Variants in PALLD observed in about 807,000 individuals in gnomAD.
The protein encoded by PALLD is palladin.
In PALLD, 61 loss-of-function variants were observed where a neutral mutation model predicts 123.5. The observed-to-expected ratio is 0.49, with a 90% CI of 0.40 to 0.61. PALLD has a LOEUF of 0.61. PALLD is among the 20% of genes least tolerant of loss of function. PALLD has a pLI of 0.00. For missense variants in PALLD, 1,273 were observed against 1,377.0 expected (o/e 0.92, Z 1.20); for synonymous variants, 465 against 496.4 (o/e 0.94, Z 0.84).
At position 168,924,295 on chromosome 4, in the gene PALLD, C is replaced by A. The variant is rs752407562; in HGVS notation, c.3099C>A (p.Leu1033=). ...AHKPPVFIEK[L]QNTGVADGYP... ...AACCCCCTGTGTTTATTGAGAAGCT[C>A]CAAAACACAGGAGTTGCTGATGGGT... Residue 1033 remains leucine, a synonymous_variant, in exon 19 of 22, where the codon CTC becomes CTA. Coordinates refer to ENST00000505667, the MANE Select transcript of PALLD (RefSeq NM_001166108.2). 1.2e-6 allele frequency: 2 copies of A among 1,613,756 alleles called. No homozygotes were observed. The highest frequency in any genetic ancestry group is 2.7e-5 in the African/African-American group (2 of 74,868).
chr4:168,899,789 C>T (rs971813292), intron 14 of PALLD, among the ~76,000 whole-genome samples: 11 of 151,666 alleles, frequency 7.3e-5, no homozygotes, highest in African/African-American at 1.9e-4. Flanking sequence ...TGGTGGTGGG[C>T]GCCTGTAATC....
At chr4:168,905,790 C>CTTTTT (rs59427697) in intron 15 of PALLD, among the ~76,000 whole-genome samples, 4,493 of 113,044 alleles carry the variant, frequency 0.04, 130 homozygotes, top group Middle Eastern at 0.05. Context: ...GCTTTTTTTT[C>CTTTTT]TTTTTTTTTT....
chr4:168,830,418 TACTC>T (rs1686537365), intron 10 of PALLD, among the ~76,000 whole-genome samples: 1 of 151,718 alleles, frequency 6.6e-6, no homozygotes, highest in African/African-American at 2.4e-5. Flanking sequence ...TAGCCCTAGT[TACTC>T]AGGAGGCTGA....
At position 168,568,545 on chromosome 4, in the gene PALLD, C is replaced by T. The variant is rs1044008479; in HGVS notation, c.908+56133C>T. On this transcript the variant is annotated intron_variant, in intron 2 of 21. Coordinates refer to ENST00000505667, the MANE Select transcript of PALLD (RefSeq NM_001166108.2). ...CATCTGTCTTTAAATTTTTTTAAAC[C>T]CTGCCTAAATTGACATGTGCTTTAC... Among the ~76,000 whole-genome samples the T allele has an allele frequency of 2.2e-4, 34 of 151,764 alleles. No homozygotes were observed. In the East Asian group the frequency reaches 5.0e-3, roughly 22 times the overall value.
chr4:168,836,895 T>C (rs950923212), intron 10 of PALLD, among the ~76,000 whole-genome samples: 3 of 152,230 alleles, frequency 2.0e-5, no homozygotes, highest in Non-Finnish European at 4.4e-5. Flanking sequence ...GTCTTATTAA[T>C]AGTACCATAG....
At chr4:168,685,037 T>C (rs1781896755) in intron 5 of PALLD, among the ~76,000 whole-genome samples, 1 of 152,186 alleles carries the variant, frequency 6.6e-6, no homozygotes, top group African/African-American at 2.4e-5. Flanking sequence ...ATAATCCCTA[T>C]ATCAAAAAAG....
chr4:168,688,008 A>G (rs1301640045), intron 6 of PALLD, among the ~76,000 whole-genome samples: 3 of 152,160 alleles, frequency 2.0e-5, no homozygotes, highest in African/African-American at 7.2e-5. Flanking sequence ...GGACCATGGA[A>G]CATCTCTCTT....
At chr4:168,511,039 G>A (rs1178532588) in intron 1 of PALLD, among the ~76,000 whole-genome samples, 1 of 152,192 alleles carries the variant, frequency 6.6e-6, no homozygotes, top group Non-Finnish European at 1.5e-5. Context: ...AATGCATTTT[G>A]TGGTTTAGGG....
chr4:168,905,886 AC>A (rs1225642823), intron 15 of PALLD, among the ~76,000 whole-genome samples: 1 of 139,312 alleles, frequency 7.2e-6, no homozygotes, highest in Non-Finnish European at 1.5e-5. Context: ...TGCAGTCTCC[AC>A]CTCCTGGGTT....
chr4:168,763,022 T>C (rs1288470283), intron 10 of PALLD, among the ~76,000 whole-genome samples: 1 of 151,858 alleles, frequency 6.6e-6, no homozygotes, highest in African/African-American at 2.4e-5. Flanking sequence ...CTGGGGCCTG[T>C]TGGGGTAGGG....
chr4:168,741,950 C>A (rs1788390149), intron 10 of PALLD, among the ~76,000 whole-genome samples: 1 of 152,142 alleles, frequency 6.6e-6, no homozygotes, highest in African/African-American at 2.4e-5. Context: ...TGCCCTGTGA[C>A]CAGGACAAAA....
intron 8 of PALLD, among the ~76,000 whole-genome samples, chr4:168,694,222 T>C (rs1782922310): frequency 6.6e-6 from 1 of 152,182 alleles, no homozygotes. Flanking sequence ...TTCTTAGCCA[T>C]TGTTAAGTGG....
chr4:168,505,519 C>T (rs1190607781), intron 1 of PALLD, among the ~76,000 whole-genome samples: 1 of 152,236 alleles, frequency 6.6e-6, no homozygotes, highest in East Asian at 1.9e-4. Flanking sequence ...GATTTCTGAT[C>T]CACAGTTTTG....
At chr4:168,879,739 C>T (rs777552758) in intron 10 of PALLD, among the ~76,000 whole-genome samples, 1 of 152,122 alleles carries the variant, frequency 6.6e-6, no homozygotes, top group Non-Finnish European at 1.5e-5. Flanking sequence ...GAAACACAGT[C>T]CAATGAATAT....
Position 168,668,213 on chromosome 4 carries a change from T to A in PALLD, c.932T>A (p.Leu311Gln). 1 of 1,614,178 alleles carries A rather than the reference T, an allele frequency of 6.2e-7. No homozygotes were observed. The highest frequency in any genetic ancestry group is 1.1e-5 in the South Asian group (1 of 91,090). ...AGATGGTTCTGTGAAGGGAAAGAAC[T>A]GCACAACACTCCTGATATTCAAATC... ...RVRWFCEGKE[L>Q]HNTPDIQIHC... Residue 311 changes from leucine to glutamine, a missense_variant, in exon 3 of 22, where the codon CTG (leucine) becomes CAG (glutamine). By Grantham distance (113) the Leu-to-Gln change is moderately radical. Coordinates refer to ENST00000505667, the MANE Select transcript of PALLD (RefSeq NM_001166108.2).
intron 2 of PALLD, among the ~76,000 whole-genome samples, chr4:168,549,329 C>CAGAT (rs1477566416): frequency 2.0e-5 from 3 of 151,598 alleles, no homozygotes; most frequent in Non-Finnish European, 2.9e-5. Context: ...GAATGCAAAA[C>CAGAT]AGATGTTCAT....
intron 2 of PALLD, among the ~76,000 whole-genome samples, chr4:168,532,894 A>G (rs968955260): frequency 6.6e-6 from 1 of 152,188 alleles, no homozygotes; most frequent in African/African-American, 2.4e-5. Flanking sequence ...ATTGAAAGAC[A>G]CATCAATCAA....
chr4:168,623,467 A>G (rs1170860115), intron 2 of PALLD, among the ~76,000 whole-genome samples: 1 of 152,234 alleles, frequency 6.6e-6, no homozygotes, highest in African/African-American at 2.4e-5. Flanking sequence ...CCAGGGAAAA[A>G]TTATTCCCCT....
intron 10 of PALLD, among the ~76,000 whole-genome samples, chr4:168,808,307 T>C (rs775944295): frequency 5.3e-5 from 8 of 151,598 alleles, no homozygotes; most frequent in Non-Finnish European, 7.4e-5. Flanking sequence ...GGTGAAACCC[T>C]GTCTCTACTA....
Sources: allele counts gnomAD v4.1 joint callset (sites outside exome capture counted in the v4.1 genomes callset), GRCh38; gene constraint gnomAD v4.1.1; transcripts MANE v1.5; gene names NCBI Gene and HGNC (gene_info 2026-07-23, HGNC 2026-07-21).